Variants in STXBP4 observed in about 807,000 individuals in gnomAD.
STXBP4 encodes the protein syntaxin binding protein 4, also known as syntaxin-binding protein 4.
A neutral mutation model predicts 76.1 loss-of-function variants in STXBP4; 55 were observed. The ratio of observed to expected loss-of-function variants is 0.72; its 90% confidence interval spans 0.58 to 0.91. The LOEUF (loss-of-function observed/expected upper bound fraction) is 0.91, where lower values mean the gene tolerates loss of function less well. Ranked by LOEUF, STXBP4 falls within the 40% of genes least tolerant of loss-of-function variation. The pLI, the probability that STXBP4 is intolerant of heterozygous loss-of-function variation, is 0.00. For missense variants in STXBP4, 618 were observed against 636.9 expected, an observed-to-expected ratio of 0.97 and a Z score of 0.32; for synonymous variants, 201 against 220.2, an observed-to-expected ratio of 0.91 and a Z score of 0.77.
intron 8 of STXBP4, among the ~76,000 whole-genome samples, chr17:55,028,236 TAG>T (rs1176243257): frequency 6.6e-6 from 1 of 152,134 alleles, no homozygotes; most frequent in Admixed American, 6.5e-5. Flanking sequence ...TAGCACTTTG[TAG>T]CATTGTGTTC....
At chr17:55,142,636 G>GA (rs144562722) in intron 17 of STXBP4, among the ~76,000 whole-genome samples, 2 of 151,468 alleles carry the variant, frequency 1.3e-5, no homozygotes, top group African/African-American at 2.4e-5. Flanking sequence ...TCGTGGAGGG[G>GA]AAAAAAAACC....
chr17:55,143,830 A>G (rs1490684473), intron 17 of STXBP4, among the ~76,000 whole-genome samples: 2 of 152,214 alleles, frequency 1.3e-5, no homozygotes, highest in Admixed American at 1.3e-4. Context: ...CATAAGGAAA[A>G]CAGAAAAAGA....
Position 55,151,180 on chromosome 17 carries a change from C to T in STXBP4, c.1548-8617C>T, listed in dbSNP as rs1430180119. Among the ~76,000 whole-genome samples, 4 of 152,134 alleles carry T rather than the reference C, an allele frequency of 2.6e-5. No homozygotes were observed. In the East Asian group the frequency reaches 7.7e-4, roughly 29 times the overall value. On this transcript the variant is annotated intron_variant, in intron 17 of 17. Transcript: ENST00000376352. ...GATAGTAAATTTGTGTTGTTTTAGG[C>T]CATTAAATTTGTGGAAATTTGTTAC...
chr17:55,041,922 A>G (rs1327106660), intron 10 of STXBP4, among the ~76,000 whole-genome samples: 1 of 152,174 alleles, frequency 6.6e-6, no homozygotes, highest in African/African-American at 2.4e-5. Flanking sequence ...TACATTTTAA[A>G]ATGTGTTCAA....
the STXBP4 span, among the ~76,000 whole-genome samples, chr17:55,185,542 A>T: frequency 1.3e-5 from 2 of 152,144 alleles, no homozygotes; most frequent in East Asian, 3.9e-4. Context: ...TGGAGAATAT[A>T]TGAGGTCTTT....
At chr17:54,990,680 T>C in intron 3 of STXBP4, 145 bp from the exon 4 acceptor site, 1 of 893,410 alleles carries the variant, frequency 1.1e-6, no homozygotes, top group Non-Finnish European at 1.6e-6. Context: ...GGAAAAATTG[T>C]CTTCCATGAA....
rs754259399 is a variant in STXBP4, at chr17:55,007,509, T to A, written c.578T>A (p.Val193Asp). 1.9e-6 allele frequency: 3 copies of A among 1,610,666 alleles called. No individual in the cohort carries two copies. In the South Asian group the frequency reaches 3.3e-5, roughly 18 times the overall value. Residue 193 changes from valine to aspartate, a missense_variant, in exon 8 of 18, where the codon GTT becomes GAT. By Grantham distance (152) the Val-to-Asp change is radical. Transcript: ENST00000376352. Reference sequence around the variant, plus strand: ...TGTGCACCCTGTTGTCTCTTAGATGTTGCTTCTGCCTGGACTGAAAATTAT... The same window carrying A: ...TGTGCACCCTGTTGTCTCTTAGATGATGCTTCTGCCTGGACTGAAAATTAT... ...NSTVGLSNTD[V>D]ASAWTENYGL...
In STXBP4 at chr17:55,065,844, G is replaced by T. The variant is rs558975908; in HGVS notation, c.1012-7056G>T. Among the ~76,000 whole-genome samples, 3 of 152,292 alleles carry T rather than the reference G, an allele frequency of 2.0e-5. No individual in the cohort carries two copies. The South Asian group carries it at 6.2e-4, about 32-fold the overall frequency. On this transcript the variant is annotated intron_variant, in intron 12 of 17. Transcript: ENST00000376352. The stretch of plus-strand genomic sequence containing the variant: ...TGATTTTCTTTGATGCTTAGAAGCA[G>T]AAATCAATTTTGCACCTTTTGGAGA...
chr17:55,145,102 T>C (rs1198906257), intron 17 of STXBP4, among the ~76,000 whole-genome samples: 11 of 152,230 alleles, frequency 7.2e-5, no homozygotes, highest in Non-Finnish European at 1.3e-4. Flanking sequence ...CTAGGTGATG[T>C]TGTCAGATAA....
intron 12 of STXBP4, among the ~76,000 whole-genome samples, chr17:55,067,839 T>A (rs1359263799): frequency 6.6e-6 from 1 of 152,120 alleles, no homozygotes; most frequent in African/African-American, 2.4e-5. Context: ...ACATTATAAA[T>A]GAAGACTTCA....
intron 4 of STXBP4, chr17:54,991,882 T>G (rs1333867040): frequency 6.6e-6 from 1 of 151,936 alleles, no homozygotes. Context: ...GATCTTCTTA[T>G]TTTGTTCTTG....
intron 8 of STXBP4, among the ~76,000 whole-genome samples, chr17:55,020,798 C>T (rs960491638): frequency 1.3e-5 from 2 of 151,942 alleles, no homozygotes; most frequent in African/African-American, 2.4e-5. Context: ...GCTTGGGCAA[C>T]AAGAGTGAAA....
At chr17:55,003,319 T>A (rs1206722478) in intron 7 of STXBP4, among the ~76,000 whole-genome samples, 1 of 152,168 alleles carries the variant, frequency 6.6e-6, no homozygotes, top group African/African-American at 2.4e-5. Flanking sequence ...AATAGGTTAG[T>A]GAAAAATATA....
intron 1 of STXBP4, among the ~76,000 whole-genome samples, chr17:54,984,972 A>T (rs1013764342): frequency 6.6e-6 from 1 of 151,974 alleles, no homozygotes; most frequent in Non-Finnish European, 1.5e-5. Context: ...CAACATTCTG[A>T]GTTTGTACTG....
At chr17:55,069,348 A>G (rs2079094327) in intron 12 of STXBP4, among the ~76,000 whole-genome samples, 1 of 152,080 alleles carries the variant, frequency 6.6e-6, no homozygotes, top group Admixed American at 6.6e-5. Context: ...TACATAGTAA[A>G]TCAGTAAATG....
the STXBP4 span, among the ~76,000 whole-genome samples, chr17:55,183,958 A>G: frequency 1.6e-4 from 25 of 152,316 alleles, no homozygotes; most frequent in African/African-American, 6.0e-4. Context: ...AGAAAAAGTT[A>G]TGGACAATCT....
At chr17:55,075,366 T>C (rs554770113) in intron 13 of STXBP4, among the ~76,000 whole-genome samples, 7 of 152,206 alleles carry the variant, frequency 4.6e-5, no homozygotes, top group Non-Finnish European at 1.0e-4. Context: ...TTTTAGCTAG[T>C]TCGTGTCTTC....
intron 17 of STXBP4, among the ~76,000 whole-genome samples, chr17:55,143,100 G>A (rs1032724532): frequency 1.3e-5 from 2 of 152,204 alleles, no homozygotes; most frequent in East Asian, 3.8e-4. Context: ...CTGAGCACTA[G>A]CTTGTGCTTA....
intron 4 of STXBP4, among the ~76,000 whole-genome samples, chr17:54,998,726 C>G (rs905032339): frequency 2.0e-5 from 3 of 152,288 alleles, no homozygotes; most frequent in South Asian, 2.1e-4. Flanking sequence ...TGGCTCACAC[C>G]TGTAATCCGA....
Sources: allele counts gnomAD v4.1 joint callset (sites outside exome capture counted in the v4.1 genomes callset), GRCh38; gene constraint gnomAD v4.1.1; transcripts MANE v1.5; gene names NCBI Gene and HGNC (gene_info 2026-07-23, HGNC 2026-07-21).